Variants in WDR64 observed in about 807,000 individuals in gnomAD.
The protein encoded by WDR64 is WD repeat-containing protein 64.
A neutral mutation model predicts 139.3 loss-of-function variants in WDR64; 112 were observed. The ratio of observed to expected loss-of-function variants is 0.80; its 90% CI spans 0.69 to 0.94. WDR64 has a LOEUF of 0.94. Ranked by LOEUF, WDR64 falls within the 40% of genes least tolerant of loss-of-function variation. The probability of loss-of-function intolerance (pLI) is 0.00; values close to 1 mark genes in which losing one functional copy is unlikely to be tolerated. For missense variants in WDR64, 1,206 were observed against 1,293.1 expected, an observed-to-expected ratio of 0.93 and a Z score of 1.03; for synonymous variants, 444 against 437.7, an observed-to-expected ratio of 1.01 and a Z score of -0.18.
At chr1:241,701,265 C>T (rs141496443) in intron 8 of WDR64, among the ~76,000 whole-genome samples, 4 of 150,426 alleles carry the variant, frequency 2.7e-5, no homozygotes, top group African/African-American at 5.0e-5. Flanking sequence ...CATACACATG[C>T]GTGCACATGC....
At chr1:241,712,439 A>G (rs190778213) in intron 9 of WDR64, among the ~76,000 whole-genome samples, 14 of 152,332 alleles carry the variant, frequency 9.2e-5, no homozygotes, top group African/African-American at 3.4e-4. Context: ...AGGTAACACA[A>G]TAAGTTTTGT....
chr1:241,783,143 A>T, intron 22 of WDR64, 129 bp from the exon 23 acceptor site: 1 of 761,290 alleles, frequency 1.3e-6, no homozygotes, highest in Non-Finnish European at 2.1e-6. Context: ...GCAAGGACTT[A>T]ATCATCTAGC....
At chr1:241,799,202 C>CAAAAAA (rs4046210) in intron 27 of WDR64, among the ~76,000 whole-genome samples, 15,520 of 33,364 alleles carry the variant, frequency 0.47, 4,400 homozygotes, top group Middle Eastern at 0.64. Flanking sequence ...TTTGTCTCTC[C>CAAAAAA]AAAAAAAAAA....
intron 14 of WDR64, among the ~76,000 whole-genome samples, chr1:241,756,251 T>C (rs1670185946): frequency 6.6e-6 from 1 of 152,206 alleles, no homozygotes; most frequent in African/African-American, 2.4e-5. Flanking sequence ...CAGTGGTTTA[T>C]AGTTCTCCTT....
intron 4 of WDR64, among the ~76,000 whole-genome samples, chr1:241,676,663 C>G (rs771127280): frequency 4.6e-4 from 70 of 151,656 alleles, no homozygotes; most frequent in Admixed American, 9.8e-4. Flanking sequence ...CAGATGGGCA[C>G]GTGTATACTC....
chr1:241,660,296 T>A (rs537877799), intron 1 of WDR64, among the ~76,000 whole-genome samples: 83 of 152,330 alleles, frequency 5.4e-4, no homozygotes, highest in African/African-American at 1.9e-3. Context: ...ACCAGTACCA[T>A]GCTTTGGGTT....
At chr1:241,778,712 A>T (rs6666462) in intron 21 of WDR64, among the ~76,000 whole-genome samples, 151,137 of 152,250 alleles carry the variant, frequency 0.99, 75,027 homozygotes, top group Middle Eastern at 1. Context: ...CCCTAGAGTT[A>T]ATAATATATA....
intron 9 of WDR64, among the ~76,000 whole-genome samples, chr1:241,713,028 C>T (rs1041139092): frequency 1.3e-5 from 2 of 151,508 alleles, no homozygotes; most frequent in African/African-American, 4.9e-5. Context: ...AACACCTGGA[C>T]AGGCGCAGTG....
At chr1:241,735,336 T>C (rs1285277857) in intron 10 of WDR64, among the ~76,000 whole-genome samples, 1 of 91,134 alleles carries the variant, frequency 1.1e-5, no homozygotes, top group Non-Finnish European at 2.4e-5. Flanking sequence ...CTACACTTTG[T>C]GTCTTTGTGT....
At chr1:241,734,799 C>G (rs933904292) in intron 10 of WDR64, among the ~76,000 whole-genome samples, 1 of 151,990 alleles carries the variant, frequency 6.6e-6, no homozygotes, top group Admixed American at 6.6e-5. Context: ...TTTCTGTCAA[C>G]GATGGACTGC....
At chr1:241,701,020 T>C (rs775296128) in intron 8 of WDR64, among the ~76,000 whole-genome samples, 1 of 152,210 alleles carries the variant, frequency 6.6e-6, no homozygotes, top group Non-Finnish European at 1.5e-5. Flanking sequence ...TGTTCAAGCA[T>C]TAGGATCTGT....
At chr1:241,738,256 G>T in intron 10 of WDR64, 107 bp from the exon 11 acceptor site, 1 of 1,326,908 alleles carries the variant, frequency 7.5e-7, no homozygotes, top group Non-Finnish European at 1.0e-6. Flanking sequence ...TAATACTTTG[G>T]TATAAGTTTA....
At chr1:241,771,269 T>C (rs1658415314) in intron 18 of WDR64, among the ~76,000 whole-genome samples, 1 of 152,242 alleles carries the variant, frequency 6.6e-6, no homozygotes, top group Non-Finnish European at 1.5e-5. Context: ...ACCCAAGTCC[T>C]TCTTTTATTA....
In WDR64 at chr1:241,665,555, T is replaced by G. The variant is rs544396318; in HGVS notation, c.276+4895T>G. 3.3e-5 allele frequency among the ~76,000 whole-genome samples: 5 copies of G among 152,306 alleles called. No individual in the cohort carries two copies. In the South Asian group the frequency reaches 1.0e-3, roughly 32 times the overall value. On this transcript the variant is annotated intron_variant, in intron 2 of 27. Transcript: ENST00000437684. ...AAGTTTCACCTTCTTTTTCAAGATT[T>G]TTTGATGCAAAGACACTCGGAGAAT...
chr1:241,723,274 T>A (rs745867736), intron 9 of WDR64, 23 bp from the exon 10 acceptor site: 9 of 1,612,982 alleles, frequency 5.6e-6, no homozygotes, highest in Non-Finnish European at 7.6e-6. Flanking sequence ...AAACCAACAA[T>A]CTTTCCCTGT....
chr1:241,674,922 T>C (rs1573996570), intron 4 of WDR64, among the ~76,000 whole-genome samples, 175 bp downstream of exon 4: 1 of 60,374 alleles, frequency 1.7e-5, no homozygotes, highest in Non-Finnish European at 4.0e-5. Flanking sequence ...CCTTCCTTCC[T>C]TCTTTCCTTC....
intron 10 of WDR64, among the ~76,000 whole-genome samples, chr1:241,729,907 G>A (rs1397323927): frequency 1.3e-5 from 2 of 152,144 alleles, no homozygotes; most frequent in African/African-American, 4.8e-5. Context: ...TGGTTTCACT[G>A]CCTTCATATT....
At chr1:241,769,620 C>A in intron 17 of WDR64, 115 bp downstream of exon 17, 2 of 910,784 alleles carry the variant, frequency 2.2e-6, no homozygotes, top group Non-Finnish European at 3.3e-6. Context: ...AAAGAGTTTA[C>A]TTCATCCCAG....
At chr1:241,772,450 CCTTTTTTTTTT>C (rs1658490946) in intron 19 of WDR64, among the ~76,000 whole-genome samples, 2 of 65,508 alleles carry the variant, frequency 3.1e-5, no homozygotes, top group South Asian at 1.1e-3. Flanking sequence ...CAAGATAGAT[CCTTTTTTTTTT>C]TTTTTTTTTT....
Sources: allele counts gnomAD v4.1 joint callset (sites outside exome capture counted in the v4.1 genomes callset), GRCh38; gene constraint gnomAD v4.1.1; transcripts MANE v1.5; gene names NCBI Gene and HGNC (gene_info 2026-07-23, HGNC 2026-07-21).